ADAMTS1: variants seen among roughly 807,000 people sequenced by gnomAD.
The protein encoded by ADAMTS1 is ADAM metallopeptidase with thrombospondin type 1 motif 1.
A neutral mutation model predicts 87.9 loss-of-function variants in ADAMTS1; 19 were observed. The observed-to-expected ratio is 0.22, with a 90% confidence interval of 0.15 to 0.32. The LOEUF (loss-of-function observed/expected upper bound fraction) is 0.32. ADAMTS1 is among the 10% of genes least tolerant of loss of function. The pLI is 1.00. For synonymous variants in ADAMTS1, 542 were observed against 501.8 expected (o/e 1.08, Z -1.07); for missense variants, 1,240 against 1,259.1 (o/e 0.98, Z 0.23).
In ADAMTS1 at chr21:26,844,630, A is replaced by C. The variant is rs1486274347; in HGVS notation, c.325T>G (p.Ser109Ala). ...GFTLQNVGRK[S>A]GSETPLPETD... ...TCCGGAAGCGGCGTCTCGGACCCGG[A>C]TTTGCGCCCCACGTTCTGGAGCGTG... is the stretch of plus-strand genomic sequence containing the variant. The change falls in exon 1 of 9, where the codon TCC (serine) becomes GCC (alanine). Residue 109 changes from serine to alanine, a missense_variant. By Grantham distance (99) the Ser-to-Ala change is moderately conservative (BLOSUM62 1). Transcript: ENST00000284984. 6.2e-7 allele frequency: 1 copy of C among 1,607,584 alleles called. No individual in the cohort carries two copies.
intron 2 of ADAMTS1, 126 bp from the exon 3 acceptor site, chr21:26,842,116 A>G: frequency 1.7e-6 from 2 of 1,185,794 alleles, no homozygotes; most frequent in Non-Finnish European, 2.3e-6. Context: ...TGACATAAGA[A>G]GACTTCATGT....
chr21:26,842,531 G>A lies in ADAMTS1; in HGVS notation c.885C>T (p.His295=), dbSNP rs760349911. 2.5e-6 allele frequency: 4 copies of A among 1,614,198 alleles called. No individual in the cohort carries two copies. The highest frequency in any genetic ancestry group is 1.6e-4 in the Middle Eastern group (1 of 6,062). The part of the protein sequence containing the change: ...LFSVAARLYK[H]PSIRNSVSLV... ...GGCTAACTGAATTACGAATGCTGGG[G>A]TGTTTGTACAATCTGGCTGCCACCG... Residue 295 remains histidine, a synonymous_variant, in exon 2 of 9, where the codon CAC becomes CAT. Coordinates refer to ENST00000284984, the MANE Select transcript of ADAMTS1 (RefSeq NM_006988.5).
At position 26,836,874 on chromosome 21, in the gene ADAMTS1, T is replaced by C. The variant is rs954138779; in HGVS notation, c.*705A>G. ...CTAATGCTTCACTGCTTTTTTTCCA[T>C]TGTAGACTTTAATGCACTTGAATAA... On this transcript the variant is annotated 3_prime_UTR_variant, in exon 9 of 9. Coordinates refer to ENST00000284984, the MANE Select transcript of ADAMTS1 (RefSeq NM_006988.5). The C allele has an allele frequency of 2.6e-5, 4 of 152,254 alleles. No individual in the cohort carries two copies. The highest frequency in any genetic ancestry group is 4.4e-5 in the Non-Finnish European group (3 of 68,058). 9.4% of individuals were successfully genotyped at this position (152,254 alleles called of 1,614,324 possible).
At chr21:26,844,141 A>C in intron 1 of ADAMTS1, 84 bp downstream of exon 1, 1 of 1,465,896 alleles carries the variant, frequency 6.8e-7, no homozygotes, top group South Asian at 1.5e-5. Context: ...GCCTGCCAGC[A>C]GGAGTCTACC....
rs2123159931 is a variant in ADAMTS1, at chr21:26,844,494, T to A, written c.461A>T (p.Glu154Val). The A allele has an allele frequency of 6.3e-7, 1 of 1,592,782 alleles. No individual in the cohort carries two copies. Among genetic ancestry groups the A allele is most frequent in the African/African-American group, 1.3e-5 (1 of 74,428 alleles). ...GGGCAGCGGCTGGATGAAATACGCC[T>A]CCCCCAGCAGGTAGAAGGCGCCGCG... The part of the protein sequence containing the change: ...GVRGAFYLLG[E>V]AYFIQPLPAA... The change falls in exon 1 of 9, where the codon GAG becomes GTG. Residue 154 changes from glutamate (E) to valine (V), a missense_variant. Around this residue, in one of 3 missense-constraint regions of ADAMTS1, gnomAD observed 521 missense variants for 449.7 expected, o/e 1.16. Coordinates refer to ENST00000284984, the MANE Select transcript of ADAMTS1 (RefSeq NM_006988.5).
rs1202171679 is a variant in ADAMTS1, at chr21:26,841,973, C to A, written c.1095G>T (p.Gln365His). ...LFTRQDLCGSQTCDTLGMADV... is the reference protein window; with the variant it reads ...LFTRQDLCGSHTCDTLGMADV... ...CAGCCATCCCAAGAGTATCACATGT[C>A]TGGGACCCACACAAGTCCTACAAAA... Residue 365 changes from glutamine to histidine, a missense_variant, in exon 3 of 9, where the codon CAG becomes CAT. Coordinates refer to ENST00000284984, the MANE Select transcript of ADAMTS1 (RefSeq NM_006988.5). 2 of 1,613,996 alleles carry A rather than the reference C, an allele frequency of 1.2e-6. No homozygotes were observed. Among genetic ancestry groups the A allele is most frequent in the African/African-American group, 1.3e-5 (1 of 75,010 alleles).
chr21:26,841,273 G>T, intron 3 of ADAMTS1, 108 bp from the exon 4 acceptor site: 1 of 1,177,854 alleles, frequency 8.5e-7, no homozygotes, highest in Non-Finnish European at 1.2e-6. Flanking sequence ...GAGGTCAGGA[G>T]TTCAAGACCA....
Position 26,837,540 on chromosome 21 carries a change from A to C in ADAMTS1, c.*39T>G. 6.3e-7 allele frequency: 1 copy of C among 1,583,512 alleles called. No individual in the cohort carries two copies. The highest frequency in any genetic ancestry group is 8.6e-7 in the Non-Finnish European group (1 of 1,156,672). ...GCTTTCCCTGCACCAGCCCTTCCTC[A>C]CTTTGCCTTGCCCTCAAAGCTAACA... On this transcript the variant is annotated 3_prime_UTR_variant, in exon 9 of 9. Coordinates refer to ENST00000284984, the MANE Select transcript of ADAMTS1 (RefSeq NM_006988.5).
At chr21:26,840,140 A>G (rs1183668124) in intron 5 of ADAMTS1, 79 bp from the exon 6 acceptor site, 22 of 1,551,488 alleles carry the variant, frequency 1.4e-5, no homozygotes, top group Non-Finnish European at 1.8e-5. Context: ...CACATGGGAC[A>G]AAGAATCAGT....
At chr21:26,841,595 G>A (rs79342638) in intron 3 of ADAMTS1, 1 of 368,302 alleles carries the variant, frequency 2.7e-6, no homozygotes, top group East Asian at 4.5e-5. Flanking sequence ...ATATTTAGGA[G>A]ATTGGCTCTT....
At chr21:26,843,528 A>C in intron 1 of ADAMTS1, 1 of 470,666 alleles carries the variant, frequency 2.1e-6, no homozygotes, top group Non-Finnish European at 4.4e-6. Context: ...CCGTAGCAGG[A>C]AGGACCGGCA....
At chr21:26,840,902 GA>G in intron 4 of ADAMTS1, 95 bp downstream of exon 4, 1 of 1,407,138 alleles carries the variant, frequency 7.1e-7, no homozygotes, top group South Asian at 1.4e-5. Flanking sequence ...TTGAAGTGGG[GA>G]AAATAAAAAG....
chr21:26,843,535 G>A (rs1985540780), intron 1 of ADAMTS1: 1 of 470,560 alleles, frequency 2.1e-6, no homozygotes, highest in Non-Finnish European at 4.4e-6. Context: ...AGGAAGGACC[G>A]GCAGTGACTT....
rs1329544902 is a variant in ADAMTS1, at chr21:26,836,418, T to C, written c.*1161A>G. On this transcript the variant is annotated 3_prime_UTR_variant, in exon 9 of 9. Transcript: ENST00000284984. ...TAAATGTATAAAAATAAATATGTTA[T>C]TATAGGCATTTATTACTAACTATAG... The C allele has an allele frequency of 6.5e-6, 1 of 152,674 alleles. No individual in the cohort carries two copies. Among genetic ancestry groups the C allele is most frequent in the Non-Finnish European group, 1.5e-5 (1 of 68,042 alleles). 9.5% of individuals were successfully genotyped at this position (152,674 alleles called of 1,614,324 possible).
rs780559162 is a variant in ADAMTS1, at chr21:26,844,451, G to C, written c.504C>G (p.Leu168=). 1 of 1,587,536 alleles carries C rather than the reference G, an allele frequency of 6.3e-7. No homozygotes were observed. The highest frequency in any genetic ancestry group is 8.6e-7 in the Non-Finnish European group (1 of 1,166,752). The stretch of plus-strand genomic sequence containing the variant: ...GCTTCTCCCCTGGGGCGGCGGTGGC[G>C]AGGCGCTCGCTGGCGGCGGGCAGCG... ...IQPLPAASER[L]ATAAPGEKPP... The change falls in exon 1 of 9, where the codon CTC becomes CTG. Residue 168 remains leucine, a synonymous_variant. Transcript: ENST00000284984.
chr21:26,844,069 C>T (rs1601924467), intron 1 of ADAMTS1, among the ~76,000 whole-genome samples, 156 bp downstream of exon 1: 1 of 152,350 alleles, frequency 6.6e-6, no homozygotes, highest in East Asian at 1.9e-4. Flanking sequence ...GTTCACCAAT[C>T]CAAACCTCAA....
At position 26,838,449 on chromosome 21, in the gene ADAMTS1, T is replaced by G. The variant is rs376630000; in HGVS notation, c.2194A>C (p.Thr732Pro). Residue 732 changes from threonine (T) to proline (P), a missense_variant, in exon 8 of 9, where the codon ACT becomes CCT. Physicochemically the swap from Thr to Pro is conservative, Grantham distance 38. This residue lies in a region of ADAMTS1 where 402 missense variants were observed against 399.1 expected (regional missense o/e 1.01). Coordinates refer to ENST00000284984, the MANE Select transcript of ADAMTS1 (RefSeq NM_006988.5). ...TGTTTTAAAACTTACTTTGCACTAG[T>G]AACTGATCCTGATATTTTTTTACAA... ...STCKKISGSV[T>P]SAKPGYHDII... is the part of the protein sequence containing the mutation. The G allele has an allele frequency of 1.9e-6, 3 of 1,614,102 alleles. No homozygotes were observed. In the African/African-American group the frequency reaches 4.0e-5, roughly 22 times the overall value.
Position 26,837,875 on chromosome 21 carries a change from A to T in ADAMTS1, c.2608T>A (p.Cys870Ser). ...IEEWGECSKS[C>S]ELGWQRRLVE... is the part of the protein sequence containing the mutation. ...AGTCTTCTCTGCCAACCCAATTCACATGACTTAGAACATTCGCCCCACTCT... is the reference window on the plus strand; with the variant it reads ...AGTCTTCTCTGCCAACCCAATTCACTTGACTTAGAACATTCGCCCCACTCT... The change falls in exon 9 of 9, where the codon TGT (cysteine) becomes AGT (serine). Residue 870 changes from cysteine (C) to serine (S), a missense_variant. Physicochemically the swap from Cys to Ser is moderately radical, Grantham distance 112 (BLOSUM62 -1). Transcript: ENST00000284984. 6.2e-7 allele frequency: 1 copy of T among 1,614,160 alleles called. No homozygotes were observed. Among genetic ancestry groups the T allele is most frequent in the Non-Finnish European group, 8.5e-7 (1 of 1,180,024 alleles).
chr21:26,844,540 G>C lies in ADAMTS1; in HGVS notation c.415C>G (p.Leu139Val). ...CCGCGCACGCCCTCGCAGAGGCTGA[G>C]GGCGGCAGCCGAGCTGGGATCGCCA... ...VNGDPSSAAA[L>V]SLCEGVRGAF... is the part of the protein sequence containing the mutation. The change falls in exon 1 of 9, where the codon CTC becomes GTC. Residue 139 changes from leucine (L) to valine (V), a missense_variant. Physicochemically the swap from Leu to Val is conservative, Grantham distance 32. Transcript: ENST00000284984. 5 of 1,606,160 alleles carry C rather than the reference G, an allele frequency of 3.1e-6. No homozygotes were observed. Among genetic ancestry groups the C allele is most frequent in the Non-Finnish European group, 4.2e-6 (5 of 1,176,908 alleles).
Sources: allele counts gnomAD v4.1 joint callset (sites outside exome capture counted in the v4.1 genomes callset), GRCh38; gene constraint gnomAD v4.1.1; regional missense constraint gnomAD v4.1.1; transcripts MANE v1.5; gene names NCBI Gene and HGNC (gene_info 2026-07-23, HGNC 2026-07-21).